ZNG1B: variants seen among roughly 807,000 people sequenced by gnomAD.
The protein encoded by ZNG1B is zinc-regulated GTPase metalloprotein activator 1B.
At chr2:113,483,747 T>C in the ZNG1B span, among the ~76,000 whole-genome samples, 10 of 151,646 alleles carry the variant, frequency 6.6e-5, no homozygotes, top group Non-Finnish European at 1.5e-4. Flanking sequence ...AAAAAACAAA[T>C]GTATTTTAAT....
the ZNG1B span, among the ~76,000 whole-genome samples, chr2:113,484,413 T>C: frequency 6.7e-6 from 1 of 149,118 alleles, no homozygotes; most frequent in Non-Finnish European, 1.5e-5. Context: ...AGAAAATCTT[T>C]CCTAGGTTTT....
the ZNG1B span, among the ~76,000 whole-genome samples, chr2:113,477,709 T>C: frequency 6.6e-6 from 1 of 152,244 alleles, no homozygotes; most frequent in Non-Finnish European, 1.5e-5. Context: ...AACAATTTTT[T>C]AAGTGTACAA....
At chr2:113,476,854 T>C in the ZNG1B span, among the ~76,000 whole-genome samples, 1 of 152,218 alleles carries the variant, frequency 6.6e-6, no homozygotes, top group Non-Finnish European at 1.5e-5. Flanking sequence ...AGGGTCCCAC[T>C]TGAGGAGGCA....
chr2:113,453,458 G>C, the ZNG1B span, among the ~76,000 whole-genome samples: 11 of 150,728 alleles, frequency 7.3e-5, no homozygotes, highest in Non-Finnish European at 1.5e-4. Flanking sequence ...TCGCCATGTT[G>C]GCCTGACTGG....
At chr2:113,439,237 T>G in the ZNG1B span, 1 of 1,486,308 alleles carries the variant, frequency 6.7e-7, no homozygotes, top group Non-Finnish European at 9.1e-7. Flanking sequence ...TTTCCCTTTC[T>G]GAAACACTGT....
the ZNG1B span, chr2:113,437,886 A>C: frequency 6.2e-7 from 1 of 1,611,866 alleles, no homozygotes; most frequent in East Asian, 2.2e-5. Flanking sequence ...CGGCTGTTGG[A>C]TCTGCGGATG....
the ZNG1B span, among the ~76,000 whole-genome samples, chr2:113,475,641 C>T: frequency 6.6e-6 from 1 of 151,986 alleles, no homozygotes; most frequent in African/African-American, 2.4e-5. Flanking sequence ...TTGTTCCTTT[C>T]CACGTTTAGT....
the ZNG1B span, among the ~76,000 whole-genome samples, chr2:113,472,060 C>T: frequency 6.1e-5 from 9 of 148,448 alleles, no homozygotes; most frequent in Non-Finnish European, 8.9e-5. Flanking sequence ...AATCGCCACA[C>T]TGACTTCCAC....
the ZNG1B span, among the ~76,000 whole-genome samples, chr2:113,474,867 T>A: frequency 6.6e-6 from 1 of 151,182 alleles, no homozygotes; most frequent in African/African-American, 2.4e-5. Context: ...TTTGTTATAA[T>A]TTCTGTTCTT....
chr2:113,496,119 CAAGT>C, the ZNG1B span: 12 of 131,248 alleles, frequency 9.1e-5, 2 homozygotes, highest in Admixed American at 3.4e-4. Flanking sequence ...TTTTTTAACA[CAAGT>C]AAGTGTCACC....
At chr2:113,453,166 A>C in the ZNG1B span, 1 of 1,593,228 alleles carries the variant, frequency 6.3e-7, no homozygotes, top group Non-Finnish European at 8.5e-7. Flanking sequence ...TTTTGGGTTG[A>C]TGCTGAATTA....
At chr2:113,458,503 T>G in the ZNG1B span, among the ~76,000 whole-genome samples, 2 of 145,342 alleles carry the variant, frequency 1.4e-5, no homozygotes, top group Non-Finnish European at 3.0e-5. Context: ...TATTTTTATA[T>G]TTGATACTTT....
At chr2:113,471,507 G>A in the ZNG1B span, among the ~76,000 whole-genome samples, 2 of 150,220 alleles carry the variant, frequency 1.3e-5, no homozygotes, top group Non-Finnish European at 3.0e-5. Context: ...TATACCTTAA[G>A]TTTTAGGGTA....
At chr2:113,448,266 G>A in the ZNG1B span, among the ~76,000 whole-genome samples, 37 of 152,102 alleles carry the variant, frequency 2.4e-4, no homozygotes, top group African/African-American at 7.0e-4. Flanking sequence ...GATCAGGTGC[G>A]TTGTCAATGA....
the ZNG1B span, among the ~76,000 whole-genome samples, chr2:113,446,739 T>C: frequency 6.9e-6 from 1 of 145,024 alleles, no homozygotes; most frequent in Non-Finnish European, 1.5e-5. Flanking sequence ...AGAGCAAGAC[T>C]GTATACACAC....
the ZNG1B span, among the ~76,000 whole-genome samples, chr2:113,440,277 C>T: frequency 6.6e-6 from 1 of 152,114 alleles, no homozygotes; most frequent in African/African-American, 2.4e-5. Flanking sequence ...TAGAAACCTT[C>T]GAATGAATGA....
At chr2:113,438,517 T>A in the ZNG1B span, among the ~76,000 whole-genome samples, 1 of 152,004 alleles carries the variant, frequency 6.6e-6, no homozygotes, top group South Asian at 2.1e-4. Flanking sequence ...CAGGGAGCGC[T>A]CCTATCTTAA....
At chr2:113,440,705 A>G in the ZNG1B span, among the ~76,000 whole-genome samples, 2 of 149,598 alleles carry the variant, frequency 1.3e-5, no homozygotes, top group African/African-American at 4.9e-5. Flanking sequence ...AAAACACTGG[A>G]AACAAACCAA....
the ZNG1B span, chr2:113,444,455 G>A: frequency 6.6e-6 from 1 of 152,460 alleles, no homozygotes; most frequent in South Asian, 2.0e-4. Flanking sequence ...TTTTGGCAAG[G>A]ATAAAATTAT....
Sources: gnomAD v4.1 joint callset for allele counts (sites outside exome capture counted in the v4.1 genomes callset) on GRCh38, gnomAD v4.1.1 for gene constraint, MANE v1.5 for transcripts, NCBI Gene and HGNC (gene_info 2026-07-23, HGNC 2026-07-21) for gene names.